The following DRC11 variants were observed in gnomAD, a reference collection of about 807,000 sequenced individuals.
DRC11 encodes the protein dynein regulatory complex subunit 11, also known as IQ and AAA domain-containing protein 1.
At chr2:236,477,734 G>A in the DRC11 span, among the ~76,000 whole-genome samples, 6 of 152,160 alleles carry the variant, frequency 3.9e-5, no homozygotes, top group African/African-American at 1.4e-4. Context: ...GTCTGTTCAG[G>A]TTTTCTGTTT....
the DRC11 span, among the ~76,000 whole-genome samples, chr2:236,495,482 A>C: frequency 1.3e-5 from 2 of 152,202 alleles, no homozygotes; most frequent in East Asian, 1.9e-4. This position sits in a 1 kb window ranked among gnomAD's most constrained non-coding sequence, Gnocchi z 5.6. Context: ...GAGGTTTCTC[A>C]TTCCCTATGG....
At chr2:236,485,307 T>C in the DRC11 span, among the ~76,000 whole-genome samples, 1 of 152,132 alleles carries the variant, frequency 6.6e-6, no homozygotes, top group African/African-American at 2.4e-5. Context: ...TACACATACA[T>C]ACATATTTGT....
At chr2:236,422,410 A>AACAG in the DRC11 span, among the ~76,000 whole-genome samples, 5 of 151,942 alleles carry the variant, frequency 3.3e-5, no homozygotes, top group East Asian at 7.7e-4. Context: ...ATACACCAAT[A>AACAG]ACAAACAGAG....
chr2:236,433,139 G>T, the DRC11 span, among the ~76,000 whole-genome samples: 1 of 151,966 alleles, frequency 6.6e-6, no homozygotes, highest in Admixed American at 6.6e-5. Flanking sequence ...GTCTGTGCCA[G>T]TGGGCTCCTA....
chr2:236,327,552 A>C, the DRC11 span, among the ~76,000 whole-genome samples: 3 of 131,288 alleles, frequency 2.3e-5, no homozygotes, highest in Non-Finnish European at 4.7e-5. Flanking sequence ...GCCAACTCTT[A>C]AACTCTCTTT....
chr2:236,357,781 G>C, the DRC11 span, among the ~76,000 whole-genome samples: 1 of 123,152 alleles, frequency 8.1e-6, no homozygotes, highest in African/African-American at 3.3e-5. Flanking sequence ...GTAAATATAT[G>C]TTATATATAC....
the DRC11 span, among the ~76,000 whole-genome samples, chr2:236,486,463 A>G: frequency 2.0e-5 from 3 of 151,904 alleles, no homozygotes; most frequent in African/African-American, 7.3e-5. This position sits in a 1 kb window ranked among gnomAD's most constrained non-coding sequence, Gnocchi z 5.7. Context: ...TCTATGATTC[A>G]GTAATCACCA....
the DRC11 span, among the ~76,000 whole-genome samples, chr2:236,459,541 G>GTATACATA: frequency 6.8e-5 from 5 of 73,298 alleles, no homozygotes; most frequent in African/African-American, 2.5e-4. Flanking sequence ...ATACGTATAC[G>GTATACATA]TATACGTATA....
At chr2:236,449,144 GC>G in the DRC11 span, among the ~76,000 whole-genome samples, 5,278 of 152,258 alleles carry the variant, frequency 0.035, 304 homozygotes, top group African/African-American at 0.12. This position sits in a 1 kb window ranked among gnomAD's most constrained non-coding sequence, Gnocchi z 5.1. Flanking sequence ...ACAGGCATGA[GC>G]CACTACACCC....
the DRC11 span, among the ~76,000 whole-genome samples, chr2:236,317,422 G>GTCTCACAAGCTA: frequency 1.3e-5 from 2 of 152,304 alleles, no homozygotes; most frequent in Admixed American, 6.5e-5. The surrounding 1 kb of genome is among the most constrained non-coding windows in gnomAD (Gnocchi z 5.4). Flanking sequence ...GGCTGCAGGA[G>GTCTCACAAGCTA]TCTCACAAGC....
At chr2:236,357,487 T>C in the DRC11 span, among the ~76,000 whole-genome samples, 8 of 127,326 alleles carry the variant, frequency 6.3e-5, no homozygotes, top group African/African-American at 2.5e-4. Flanking sequence ...TATTTATATA[T>C]TATAAATACA....
chr2:236,363,569 G>A, the DRC11 span, among the ~76,000 whole-genome samples: 4 of 152,198 alleles, frequency 2.6e-5, no homozygotes, highest in African/African-American at 9.6e-5. This position sits in a 1 kb window ranked among gnomAD's most constrained non-coding sequence, Gnocchi z 5.6. Context: ...GAGGGTGATT[G>A]GGATGGCACA....
chr2:236,338,411 C>T, the DRC11 span: 1 of 1,567,812 alleles, frequency 6.4e-7, no homozygotes, highest in Non-Finnish European at 8.6e-7. Context: ...AATTGGTCCA[C>T]ATATAGAAAA....
chr2:236,487,476 T>C, the DRC11 span, among the ~76,000 whole-genome samples: 1 of 152,094 alleles, frequency 6.6e-6, no homozygotes, highest in African/African-American at 2.4e-5. Context: ...CCATCTGCTG[T>C]GTTTCCCTGT....
At chr2:236,317,443 TAGA>T in the DRC11 span, among the ~76,000 whole-genome samples, 1 of 152,138 alleles carries the variant, frequency 6.6e-6, no homozygotes, top group Non-Finnish European at 1.5e-5. This position sits in a 1 kb window ranked among gnomAD's most constrained non-coding sequence, Gnocchi z 5.4. Context: ...TAATGTTGGC[TAGA>T]AGAAGCCCGA....
the DRC11 span, among the ~76,000 whole-genome samples, chr2:236,321,436 T>C: frequency 6.6e-6 from 1 of 152,244 alleles, no homozygotes; most frequent in Non-Finnish European, 1.5e-5. Flanking sequence ...TTACCATTTG[T>C]GTGAAACACG....
the DRC11 span, among the ~76,000 whole-genome samples, chr2:236,342,858 C>T: frequency 6.6e-6 from 1 of 152,124 alleles, no homozygotes; most frequent in Non-Finnish European, 1.5e-5. The surrounding 1 kb of genome is among the most constrained non-coding windows in gnomAD (Gnocchi z 5.8). Flanking sequence ...GGACTTATCC[C>T]AGGGTGTGAC....
the DRC11 span, among the ~76,000 whole-genome samples, chr2:236,417,383 C>A: frequency 6.6e-6 from 1 of 152,120 alleles, no homozygotes. Context: ...GCTCCTCCCA[C>A]ACAGAAGTTT....
At chr2:236,394,531 T>C in the DRC11 span, among the ~76,000 whole-genome samples, 1 of 151,788 alleles carries the variant, frequency 6.6e-6, no homozygotes, top group African/African-American at 2.4e-5. The surrounding 1 kb of genome is among the most constrained non-coding windows in gnomAD (Gnocchi z 7.0). Context: ...CTCAGGAGGC[T>C]GAGGCAGGAG....
Sources: allele counts gnomAD v4.1 joint callset (sites outside exome capture counted in the v4.1 genomes callset), GRCh38; gene constraint gnomAD v4.1.1; non-coding constraint Gnocchi (gnomAD v3.1); transcripts MANE v1.5; gene names NCBI Gene and HGNC (gene_info 2026-07-23, HGNC 2026-07-21).